The following RNF111 variants were observed in gnomAD, a reference collection of about 807,000 sequenced individuals.
RNF111 encodes E3 ubiquitin-protein ligase Arkadia.
A neutral mutation model predicts 95.1 loss-of-function variants in RNF111; 17 were observed. The ratio of observed to expected loss-of-function variants is 0.18; its 90% CI spans 0.12 to 0.27. The LOEUF is 0.27. Ranked by LOEUF, RNF111 falls within the 10% of genes least tolerant of loss-of-function variation. The pLI is 1.00. For missense variants in RNF111, 1,189 were observed against 1,210.4 expected, an observed-to-expected ratio of 0.98 and a Z score of 0.26; for synonymous variants, 440 against 414.8, an observed-to-expected ratio of 1.06 and a Z score of -0.74.
chr15:59,006,217 A>C (rs1319363659), intron 1 of RNF111, among the ~76,000 whole-genome samples: 1 of 152,210 alleles, frequency 6.6e-6, no homozygotes, highest in Non-Finnish European at 1.5e-5. Flanking sequence ...TTTGATGTAT[A>C]ATTTATATAC....
chr15:59,009,498 A>C (rs554849829), intron 1 of RNF111, among the ~76,000 whole-genome samples: 1 of 151,006 alleles, frequency 6.6e-6, no homozygotes, highest in Non-Finnish European at 1.5e-5. Flanking sequence ...AAATTATCAA[A>C]TTCTAAAGAA....
At chr15:59,071,489 C>T (rs2042924473) in intron 6 of RNF111, among the ~76,000 whole-genome samples, 1 of 151,862 alleles carries the variant, frequency 6.6e-6, no homozygotes, top group Non-Finnish European at 1.5e-5. Flanking sequence ...TCGAGACCAC[C>T]CTGTGCAACA....
chr15:59,039,302 T>C (rs528300159), intron 2 of RNF111, among the ~76,000 whole-genome samples: 1 of 152,282 alleles, frequency 6.6e-6, no homozygotes, highest in Non-Finnish European at 1.5e-5. Context: ...AGGTTTATTA[T>C]CTGAGGTTCT....
chr15:59,024,399 C>T (rs1184659130), intron 1 of RNF111, among the ~76,000 whole-genome samples: 1 of 152,128 alleles, frequency 6.6e-6, no homozygotes, highest in Admixed American at 6.6e-5. Flanking sequence ...GAGATTCCTG[C>T]TTCCTTGGAA....
chr15:59,096,173 T>A lies in RNF111; in HGVS notation c.*1273T>A, dbSNP rs1232344991. ...TAAAGTTAAGTTAACATACTAACAT[T>A]TCTCCTTTGGAGGAAGTTTTAATCT... On this transcript the variant is annotated 3_prime_UTR_variant, in exon 14 of 14. Transcript: ENST00000348370. 23 of 397,780 alleles carry A rather than the reference T, an allele frequency of 5.8e-5. No homozygotes were observed. The Admixed American group carries it at 1.0e-3, about 18-fold the overall frequency. The allele number at this position is 397,780 out of a possible 1,614,324, so 24.6% of individuals were successfully genotyped here. A position where few individuals can be genotyped will look rare whatever the true frequency, so the allele number is the denominator to read the frequency against.
chr15:58,994,473 C>CTTTT (rs35787227), intron 1 of RNF111, among the ~76,000 whole-genome samples: 36 of 69,540 alleles, frequency 5.2e-4, no homozygotes, highest in African/African-American at 1.1e-3. Flanking sequence ...TTTTCTCTCT[C>CTTTT]TTTTTTTTTT....
chr15:59,056,301 C>G (rs1182794689), intron 4 of RNF111, among the ~76,000 whole-genome samples: 1 of 152,060 alleles, frequency 6.6e-6, no homozygotes, highest in Non-Finnish European at 1.5e-5. Context: ...TTGTGCTGCT[C>G]ATTTTTTGTA....
At chr15:58,999,900 G>A (rs1203937414) in intron 1 of RNF111, among the ~76,000 whole-genome samples, 1 of 152,062 alleles carries the variant, frequency 6.6e-6, no homozygotes, top group East Asian at 1.9e-4. Flanking sequence ...CAGGAGAGAA[G>A]GGGGAAGTGC....
rs566918379 is a variant in RNF111, at chr15:58,991,620, A to G, written c.-20+3552A>G. ...GGTAATTTGACCTGTGACTTCAATG[A>G]CTAGAAAAAATCAGCCATAGTGACG... On this transcript the variant is annotated intron_variant, in intron 1 of 13. Coordinates refer to ENST00000348370, the MANE Select transcript of RNF111 (RefSeq NM_017610.8). Among the ~76,000 whole-genome samples the G allele has an allele frequency of 5.9e-5, 9 of 152,338 alleles. No homozygotes were observed. In the East Asian group the frequency reaches 1.7e-3, roughly 29 times the overall value.
At chr15:59,042,806 A>T (rs1332415356) in intron 2 of RNF111, among the ~76,000 whole-genome samples, 1 of 152,004 alleles carries the variant, frequency 6.6e-6, no homozygotes, top group African/African-American at 2.4e-5. Context: ...CAGGAAGAAC[A>T]CTCTTTTAAT....
chr15:59,031,084 A>C lies in RNF111; in HGVS notation c.262A>C (p.Ser88Arg). Residue 88 changes from serine (S) to arginine (R), a missense_variant, in exon 2 of 14, where the codon AGT (serine) becomes CGT (arginine). By Grantham distance (110) the Ser-to-Arg change is moderately radical. Coordinates refer to ENST00000348370, the MANE Select transcript of RNF111 (RefSeq NM_017610.8). ...MNGNQQEQEK[S>R]LVVRKKRKSQ... Reference sequence around the variant, plus strand: ...TGGTAACCAGCAAGAACAAGAAAAAAGTCTCGTTGTGAGGAAAAAACGCAA... The same window carrying C: ...TGGTAACCAGCAAGAACAAGAAAAACGTCTCGTTGTGAGGAAAAAACGCAA... The C allele has an allele frequency of 6.2e-7, 1 of 1,614,278 alleles. No homozygotes were observed. Among genetic ancestry groups the C allele is most frequent in the South Asian group, 1.1e-5 (1 of 91,082 alleles).
chr15:59,071,792 C>T (rs984500023), intron 6 of RNF111, among the ~76,000 whole-genome samples: 1 of 152,098 alleles, frequency 6.6e-6, no homozygotes, highest in Admixed American at 6.5e-5. Flanking sequence ...TGGGCTTTCC[C>T]TAAAATCGTA....
At chr15:59,094,753 T>G (rs754952852) in intron 13 of RNF111, 30 bp from the exon 14 acceptor site, 1 of 1,228,376 alleles carries the variant, frequency 8.1e-7, no homozygotes, top group Non-Finnish European at 1.2e-6. Flanking sequence ...TAAAATTAAT[T>G]TTTGCTTTTT....
chr15:59,084,005 T>G, intron 8 of RNF111, 124 bp from the exon 9 acceptor site: 2 of 637,144 alleles, frequency 3.1e-6, no homozygotes, highest in South Asian at 8.0e-5. Flanking sequence ...ATTATAAAAT[T>G]TATTTTATGA....
intron 1 of RNF111, among the ~76,000 whole-genome samples, chr15:59,005,473 A>C (rs1279726443): frequency 1.3e-5 from 2 of 152,246 alleles, no homozygotes; most frequent in Admixed American, 6.5e-5. Flanking sequence ...TCCCAACATT[A>C]GATCCCGCAT....
At chr15:59,055,957 G>T in intron 4 of RNF111, 112 bp downstream of exon 4, 1 of 778,102 alleles carries the variant, frequency 1.3e-6, no homozygotes, top group Non-Finnish European at 1.8e-6. Flanking sequence ...TAAACTACAG[G>T]GAAATTGTCA....
chr15:59,093,248 A>G (rs1215406127), intron 13 of RNF111, among the ~76,000 whole-genome samples: 7 of 150,646 alleles, frequency 4.6e-5, no homozygotes, highest in Non-Finnish European at 1.0e-4. Flanking sequence ...AGAATTTGAG[A>G]GGCTTTGGAG....
At chr15:59,068,824 C>T (rs2042782491) in intron 6 of RNF111, among the ~76,000 whole-genome samples, 1 of 151,948 alleles carries the variant, frequency 6.6e-6, no homozygotes, top group Non-Finnish European at 1.5e-5. Context: ...TGCCTGTATT[C>T]CTAGCACTCT....
In RNF111 at chr15:59,095,770, A is replaced by T. The variant is rs1566951633; in HGVS notation, c.*870A>T. On this transcript the variant is annotated 3_prime_UTR_variant, in exon 14 of 14. Coordinates refer to ENST00000348370, the MANE Select transcript of RNF111 (RefSeq NM_017610.8). The stretch of plus-strand genomic sequence containing the variant: ...AGGGAAATTGAAAAAGACATGTAGA[A>T]TTTGTTGTCTTCTGCTAAGCACGAA... 2.7e-6 allele frequency: 1 copy of T among 373,284 alleles called. No individual in the cohort carries two copies. Among genetic ancestry groups the T allele is most frequent in the Non-Finnish European group, 4.7e-6 (1 of 210,582 alleles). The allele number at this position is 373,284 out of a possible 1,614,324, so 23.1% of individuals were successfully genotyped here.
Sources: gnomAD v4.1 joint callset for allele counts (sites outside exome capture counted in the v4.1 genomes callset) on GRCh38, gnomAD v4.1.1 for gene constraint, MANE v1.5 for transcripts, NCBI Gene and HGNC (gene_info 2026-07-23, HGNC 2026-07-21) for gene names.